Variants in NR3C1 observed in about 807,000 individuals in gnomAD.
NR3C1 encodes the protein nuclear receptor subfamily 3 group C member 1, also known as glucocorticoid receptor.
Under a neutral mutation model 74.0 loss-of-function variants are expected in NR3C1, and 14 were observed. The observed-to-expected ratio is 0.19, with a 90% confidence interval of 0.12 to 0.30. The LOEUF is 0.30. NR3C1 is among the 10% of genes least tolerant of loss of function. NR3C1 has a pLI of 1.00. For synonymous variants in NR3C1, 308 were observed against 332.5 expected, an observed-to-expected ratio of 0.93 and a Z score of 0.80; for missense variants, 695 against 909.8, an observed-to-expected ratio of 0.76 and a Z score of 3.04.
chr5:143,289,821 T>G (rs1424744703), intron 7 of NR3C1, among the ~76,000 whole-genome samples: 1 of 152,178 alleles, frequency 6.6e-6, no homozygotes, highest in Non-Finnish European at 1.5e-5. Context: ...TACCAAGTAC[T>G]GAGGAGGATA....
upstream of NR3C1, chr5:143,403,737 C>T (rs1473921616): frequency 5.1e-6 from 5 of 985,002 alleles, no homozygotes; most frequent in African/African-American, 1.7e-5. Flanking sequence ...CACCCCCGGC[C>T]GCTCCCCGCC....
intron 2 of NR3C1, chr5:143,332,455 G>A (rs1293620765): frequency 1.1e-4 from 53 of 483,256 alleles, no homozygotes; most frequent in East Asian, 4.3e-4. Context: ...AACGCATGCC[G>A]GGCTTAATAC....
chr5:143,426,031 A>G (rs573754397), intron 1 of NR3C1, among the ~76,000 whole-genome samples: 3 of 152,342 alleles, frequency 2.0e-5, no homozygotes, highest in African/African-American at 7.2e-5. Context: ...AATGTTATTC[A>G]GCCATAACAG....
In NR3C1 at chr5:143,295,237, C is replaced by T. The variant is rs1185360318; in HGVS notation, c.2023+223G>A. 4 of 985,020 alleles carry T rather than the reference C, an allele frequency of 4.1e-6. No individual in the cohort carries two copies. In the African/African-American group the frequency reaches 7.0e-5, roughly 17 times the overall value. 61.0% of individuals were successfully genotyped at this position (985,020 alleles called of 1,614,324 possible). ...ATTCTTATCAACAGAGATCCCTATG[C>T]AGCTCATATACCTCTCTGTTTCTGC... On this transcript the variant is annotated intron_variant, in intron 7 of 8. Transcript: ENST00000394464.
chr5:143,315,445 A>G (rs1333813631), intron 2 of NR3C1, among the ~76,000 whole-genome samples: 2 of 152,112 alleles, frequency 1.3e-5, no homozygotes, highest in African/African-American at 4.8e-5. Context: ...AATTCTACAT[A>G]TTAAAGTCCG....
chr5:143,300,586 T>C lies in NR3C1; in HGVS notation c.1646A>G (p.Asp549Gly). Reference protein sequence around the residue: ...IEPEVLYAGYDSSVPDSTWRI... With the variant: ...IEPEVLYAGYGSSVPDSTWRI... ...CCAAGTTGAGTCTGGAACAGAGCTA[T>C]CATATCCTGCATATAACACTTCAGG... The change falls in exon 5 of 9, where the codon GAT becomes GGT. Residue 549 changes from aspartate to glycine, a missense_variant. By Grantham distance (94) the Asp-to-Gly change is moderately conservative (BLOSUM62 -1). This residue lies in a region of NR3C1 where 133 missense variants were observed against 287.9 expected (regional missense o/e 0.46). Coordinates refer to ENST00000394464, the MANE Select transcript of NR3C1 (RefSeq NM_000176.3). This position sits in a 1 kb window ranked among gnomAD's most constrained non-coding sequence, Gnocchi z 5.2. 1 of 1,614,228 alleles carries C rather than the reference T, an allele frequency of 6.2e-7. No individual in the cohort carries two copies. The highest frequency in any genetic ancestry group is 8.5e-7 in the Non-Finnish European group (1 of 1,180,030).
At chr5:143,340,522 G>A (rs557500050) in intron 2 of NR3C1, among the ~76,000 whole-genome samples, 7 of 123,776 alleles carry the variant, frequency 5.7e-5, no homozygotes, top group African/African-American at 1.3e-4. Context: ...TCGCTCTGTC[G>A]CCCAGGCTGG....
intron 2 of NR3C1, among the ~76,000 whole-genome samples, chr5:143,316,925 A>G (rs779244327): frequency 1.1e-4 from 16 of 152,172 alleles, no homozygotes; most frequent in Non-Finnish European, 2.1e-4. Flanking sequence ...ACTCAACTGT[A>G]AGCTACAGAT....
chr5:143,385,012 G>A (rs1010228056), intron 2 of NR3C1, among the ~76,000 whole-genome samples: 1 of 152,252 alleles, frequency 6.6e-6, no homozygotes, highest in African/African-American at 2.4e-5. Flanking sequence ...TCAAGGCAGA[G>A]GCTTTCAAGC....
chr5:143,433,087 T>A (rs995325689), intron 1 of NR3C1, among the ~76,000 whole-genome samples: 1 of 152,146 alleles, frequency 6.6e-6, no homozygotes, highest in Non-Finnish European at 1.5e-5. Flanking sequence ...AATTGTGTAA[T>A]TCTTTCAACA....
chr5:143,398,537 T>C (rs563857590), intron 2 of NR3C1, among the ~76,000 whole-genome samples: 1 of 152,060 alleles, frequency 6.6e-6, no homozygotes, highest in East Asian at 1.9e-4. Flanking sequence ...GAATAACTAG[T>C]TAATGGGAAC....
At chr5:143,310,046 A>C (rs755400020) in intron 4 of NR3C1, 51 bp downstream of exon 4, 1 of 1,371,018 alleles carries the variant, frequency 7.3e-7, no homozygotes, top group Non-Finnish European at 1.0e-6. Context: ...TAAAATGATA[A>C]ATTTTTATAA....
At chr5:143,417,038 T>C (rs1370213784) in intron 1 of NR3C1, among the ~76,000 whole-genome samples, 1 of 152,152 alleles carries the variant, frequency 6.6e-6, no homozygotes, top group African/African-American at 2.4e-5. Context: ...CTAAGAAATG[T>C]CTTACGTAGT....
chr5:143,370,387 G>T lies in NR3C1; in HGVS notation c.1184+29269C>A, dbSNP rs543857935. 3.9e-4 allele frequency among the ~76,000 whole-genome samples: 59 copies of T among 152,276 alleles called. 1 individual carries two copies. The South Asian group carries it at 0.012, about 31-fold the overall frequency. On this transcript the variant is annotated intron_variant, in intron 2 of 8. Transcript: ENST00000394464. ...GGACCTGAAAAATGTTAACTTCAAA[G>T]AATAATGCATATCGTCAGCATTCTT...
intron 2 of NR3C1, among the ~76,000 whole-genome samples, chr5:143,387,944 C>T (rs759563051): frequency 2.8e-4 from 42 of 152,162 alleles, no homozygotes; most frequent in Non-Finnish European, 5.0e-4. Flanking sequence ...TCAGTACAAA[C>T]ATATACATTA....
chr5:143,319,211 T>G (rs1262133550), intron 2 of NR3C1, among the ~76,000 whole-genome samples: 1 of 152,106 alleles, frequency 6.6e-6, no homozygotes, highest in East Asian at 1.9e-4. Context: ...TCAATCTCAA[T>G]TGCCCTATTG....
At chr5:143,371,628 T>C (rs1834247783) in intron 2 of NR3C1, among the ~76,000 whole-genome samples, 1 of 152,236 alleles carries the variant, frequency 6.6e-6, no homozygotes, top group Non-Finnish European at 1.5e-5. Flanking sequence ...ACCCCATCCC[T>C]GTCTCTTACC....
chr5:143,337,051 C>T (rs910185780), intron 2 of NR3C1, among the ~76,000 whole-genome samples: 1 of 151,972 alleles, frequency 6.6e-6, no homozygotes, highest in Non-Finnish European at 1.5e-5. Flanking sequence ...ACATATATAT[C>T]TCCTTAAAAG....
Position 143,281,808 on chromosome 5 carries a change from C to T in NR3C1, c.*81G>A, listed in dbSNP as rs952152879. On this transcript the variant is annotated 3_prime_UTR_variant, in exon 9 of 9. Coordinates refer to ENST00000394464, the MANE Select transcript of NR3C1 (RefSeq NM_000176.3). ...ACAATAAAAAATAAAACAACAAAAC[C>T]TCTACAGGACAAACTGATAGTTTAT... 5.7e-6 allele frequency: 8 copies of T among 1,402,296 alleles called. No individual in the cohort carries two copies. The highest frequency in any genetic ancestry group is 8.0e-6 in the Non-Finnish European group (8 of 999,104). 86.9% of individuals were successfully genotyped at this position (1,402,296 alleles called of 1,614,324 possible). A position where few individuals can be genotyped will look rare whatever the true frequency, so the allele number is the denominator to read the frequency against.
Sources: gnomAD v4.1 joint callset for allele counts (sites outside exome capture counted in the v4.1 genomes callset) on GRCh38, gnomAD v4.1.1 for gene constraint, gnomAD v4.1.1 regional missense constraint, Gnocchi (gnomAD v3.1) non-coding constraint, MANE v1.5 for transcripts, NCBI Gene and HGNC (gene_info 2026-07-23, HGNC 2026-07-21) for gene names.